The following CPEB1 variants were observed in gnomAD, a reference collection of about 807,000 sequenced individuals.
CPEB1 encodes the protein cytoplasmic polyadenylation element-binding protein 1.
Under a neutral mutation model 65.8 loss-of-function variants are expected in CPEB1, and 7 were observed. That is an observed-to-expected ratio of 0.11 (90% CI 0.06 to 0.20). The LOEUF is 0.20. Ranked by LOEUF, CPEB1 falls within the 10% of genes least tolerant of loss-of-function variation. The pLI, the probability that CPEB1 is intolerant of heterozygous loss-of-function variation, is 1.00. For synonymous variants in CPEB1, 262 were observed against 260.0 expected, an observed-to-expected ratio of 1.01 and a Z score of -0.08; for missense variants, 551 against 712.2, an observed-to-expected ratio of 0.77 and a Z score of 2.58.
chr15:82,616,024 G>A (rs970278690), intron 3 of CPEB1, among the ~76,000 whole-genome samples: 5 of 151,950 alleles, frequency 3.3e-5, no homozygotes, highest in African/African-American at 1.2e-4. Context: ...CAATTAAAAT[G>A]TATTGATTTT....
chr15:82,544,281 T>G lies in CPEB1; in HGVS notation c.*311A>C, dbSNP rs1023311838. 2.2e-5 allele frequency: 5 copies of G among 222,596 alleles called. No homozygotes were observed. The highest frequency in any genetic ancestry group is 3.5e-5 in the Non-Finnish European group (4 of 113,232). 13.8% of individuals were successfully genotyped at this position (222,596 alleles called of 1,614,324 possible). On this transcript the variant is annotated 3_prime_UTR_variant, in exon 13 of 13. Coordinates refer to ENST00000684509, the MANE Select transcript of CPEB1 (RefSeq NM_001365242.1). ...ACCTTCTGGACACGTAGTTTTTTTT[T>G]TTTTTTTTTTTTTCCCCGCTTTTCA... is the stretch of plus-strand genomic sequence containing the variant.
At chr15:82,574,243 C>T (rs1023173078) in intron 3 of CPEB1, among the ~76,000 whole-genome samples, 1 of 152,144 alleles carries the variant, frequency 6.6e-6, no homozygotes, top group Non-Finnish European at 1.5e-5. Context: ...TCACTAGCTC[C>T]AACTCAATGC....
intron 3 of CPEB1, among the ~76,000 whole-genome samples, chr15:82,601,862 C>G (rs962615713): frequency 6.6e-6 from 1 of 151,930 alleles, no homozygotes; most frequent in Non-Finnish European, 1.5e-5. Flanking sequence ...ATCAATAAAG[C>G]CAAACAACAA....
At chr15:82,588,373 T>C (rs1272475669) in intron 3 of CPEB1, among the ~76,000 whole-genome samples, 1 of 152,186 alleles carries the variant, frequency 6.6e-6, no homozygotes, top group Non-Finnish European at 1.5e-5. Context: ...AGAGATACCT[T>C]TCAAAGATTT....
intron 3 of CPEB1, among the ~76,000 whole-genome samples, chr15:82,588,627 C>T (rs2041988241): frequency 6.6e-6 from 1 of 152,126 alleles, no homozygotes; most frequent in African/African-American, 2.4e-5. Context: ...ACAAATAAGG[C>T]AATGAACATC....
At chr15:82,591,419 C>T (rs2042242118) in intron 3 of CPEB1, among the ~76,000 whole-genome samples, 1 of 152,086 alleles carries the variant, frequency 6.6e-6, no homozygotes, top group Non-Finnish European at 1.5e-5. Context: ...CGCCTGCCAC[C>T]ATGCCCAGCT....
intron 1 of CPEB1, among the ~76,000 whole-genome samples, chr15:82,637,396 T>C (rs1434455849): frequency 6.6e-6 from 1 of 152,190 alleles, no homozygotes; most frequent in Non-Finnish European, 1.5e-5. Context: ...ACAGGGCCTC[T>C]TGGTTATACC....
At chr15:82,592,470 T>C (rs1426317609) in intron 3 of CPEB1, among the ~76,000 whole-genome samples, 1 of 150,574 alleles carries the variant, frequency 6.6e-6, no homozygotes. Flanking sequence ...CCCAGCTACC[T>C]AGGAGCTTGA....
chr15:82,579,565 T>C lies in CPEB1; in HGVS notation c.272-8033A>G, dbSNP rs569623289. On this transcript the variant is annotated intron_variant, in intron 3 of 12. Transcript: ENST00000684509. ...GAGACACAGGAAATAATTTAAAATT[T>C]CAGTTTATGTACTTTTGTTGTTACA... is the stretch of plus-strand genomic sequence containing the variant. Among the ~76,000 whole-genome samples the C allele has an allele frequency of 8.5e-4, 130 of 152,256 alleles. 2 individuals carry two copies. In the South Asian group the frequency reaches 0.026, roughly 30 times the overall value.
chr15:82,593,074 C>T (rs1253569199), intron 3 of CPEB1, among the ~76,000 whole-genome samples: 1 of 152,162 alleles, frequency 6.6e-6, no homozygotes, highest in Non-Finnish European at 1.5e-5. Flanking sequence ...AGGGGTCTTG[C>T]CTCAATGTGC....
chr15:82,618,790 C>T (rs2045010994), intron 3 of CPEB1, among the ~76,000 whole-genome samples: 1 of 152,156 alleles, frequency 6.6e-6, no homozygotes. Flanking sequence ...CATCTACAAA[C>T]ACTAAGAAAA....
Position 82,544,522 on chromosome 15 carries a change from G to A in CPEB1, c.*70C>T. The A allele has an allele frequency of 8.7e-7, 1 of 1,146,894 alleles. No homozygotes were observed. 71.0% of individuals were successfully genotyped at this position (1,146,894 alleles called of 1,614,324 possible). ...GCCAGCTCCCTGGTCGCCAGTGGCAGGGTGGTGCAGGCTGCTTGCCTGACC... is the reference window on the plus strand; with the variant it reads ...GCCAGCTCCCTGGTCGCCAGTGGCAAGGTGGTGCAGGCTGCTTGCCTGACC... On this transcript the variant is annotated 3_prime_UTR_variant, in exon 13 of 13. Transcript: ENST00000684509.
At chr15:82,615,573 G>C (rs553494983) in intron 3 of CPEB1, among the ~76,000 whole-genome samples, 1 of 152,178 alleles carries the variant, frequency 6.6e-6, no homozygotes, top group South Asian at 2.1e-4. Context: ...AACTTACTCT[G>C]GGTTGATGCC....
At chr15:82,637,957 A>AT (rs760919761) in intron 1 of CPEB1, 4 of 452,604 alleles carry the variant, frequency 8.8e-6, no homozygotes, top group South Asian at 6.3e-5. Flanking sequence ...TAACACAATG[A>AT]TTTTCCAAGA....
chr15:82,589,266 T>G (rs748202428), intron 3 of CPEB1, among the ~76,000 whole-genome samples: 2 of 152,250 alleles, frequency 1.3e-5, no homozygotes, highest in Non-Finnish European at 2.9e-5. Flanking sequence ...ATACTCCTGC[T>G]CTGGCCTTAA....
At chr15:82,567,872 C>G (rs921953318) in intron 4 of CPEB1, among the ~76,000 whole-genome samples, 4 of 152,112 alleles carry the variant, frequency 2.6e-5, no homozygotes, top group Non-Finnish European at 5.9e-5. Context: ...AAAAGAGTCG[C>G]AAGGGGGAAG....
At chr15:82,589,182 C>T (rs1254650264) in intron 3 of CPEB1, among the ~76,000 whole-genome samples, 2 of 152,346 alleles carry the variant, frequency 1.3e-5, no homozygotes, top group Non-Finnish European at 1.5e-5. Context: ...ACTTCCCACC[C>T]CCTGGAAAGC....
At chr15:82,631,027 G>A (rs929817875) in intron 1 of CPEB1, among the ~76,000 whole-genome samples, 1 of 152,122 alleles carries the variant, frequency 6.6e-6, no homozygotes, top group African/African-American at 2.4e-5. Flanking sequence ...CTTAGAAGGA[G>A]ACCACCAGCA....
rs781133540 is a variant in CPEB1 at position 82,631,883 on chromosome 15, AT to A, written c.-97-3328del. 2.6e-3 allele frequency among the ~76,000 whole-genome samples: 374 copies of A among 142,456 alleles called. 1 individual carries two copies. Among genetic ancestry groups the A allele is most frequent in the Middle Eastern group, 7.5e-3 (2 of 266 alleles). 93.5% of individuals were successfully genotyped at this position (142,456 alleles called of 152,430 possible). On this transcript the variant is annotated intron_variant, in intron 1 of 12. Coordinates refer to ENST00000684509, the MANE Select transcript of CPEB1 (RefSeq NM_001365242.1). ...TGACCAAGAAGTGTTTCAGATTTGG[AT>A]TTTTTTTTTTTTGGAAGCTGGAACA... is the stretch of plus-strand genomic sequence containing the variant.
Sources: allele counts gnomAD v4.1 joint callset (sites outside exome capture counted in the v4.1 genomes callset), GRCh38; gene constraint gnomAD v4.1.1; transcripts MANE v1.5; gene names NCBI Gene and HGNC (gene_info 2026-07-23, HGNC 2026-07-21).